KBTBD3: variants seen among roughly 807,000 people sequenced by gnomAD.
The protein encoded by KBTBD3 is kelch repeat and BTB domain-containing protein 3.
Under a neutral mutation model 49.6 loss-of-function variants are expected in KBTBD3, and 38 were observed. The ratio of observed to expected loss-of-function variants is 0.77; its 90% CI spans 0.59 to 1.00. The LOEUF (loss-of-function observed/expected upper bound fraction) is 1.00, where lower values mean the gene tolerates loss of function less well. KBTBD3 is among the 50% of genes least tolerant of loss of function. The pLI, the probability that KBTBD3 is intolerant of heterozygous loss-of-function variation, is 0.00. For synonymous variants in KBTBD3, 214 were observed against 250.4 expected, an observed-to-expected ratio of 0.85 and a Z score of 1.37; for missense variants, 661 against 712.0, an observed-to-expected ratio of 0.93 and a Z score of 0.81.
intron 2 of KBTBD3, among the ~76,000 whole-genome samples, chr11:106,062,708 A>C (rs1860726176): frequency 6.6e-6 from 1 of 152,236 alleles, no homozygotes; most frequent in Non-Finnish European, 1.5e-5. Flanking sequence ...TCATCCAGAA[A>C]TATCCTTACA....
At position 106,059,054 on chromosome 11, in the gene KBTBD3, C is replaced by T. The variant is rs139828561; in HGVS notation, c.44G>A (p.Ser15Asn). 2.6e-6 allele frequency: 4 copies of T among 1,553,456 alleles called. No homozygotes were observed. Among genetic ancestry groups the T allele is most frequent in the Non-Finnish European group, 3.4e-6 (4 of 1,161,698 alleles). Residue 15 changes from serine (S) to asparagine (N), a missense_variant, in exon 3 of 4, where the codon AGC becomes AAC. By Grantham distance (46) the Ser-to-Asn change is conservative (BLOSUM62 1). Transcript: ENST00000531837. ...MDNSYAFNQR[S>N]TCNGIPSEKK... ...CTCAGATGGAATTCCATTACATGTGCTTCGTTGATTGAAAGCATATGAATT... is the reference window on the plus strand; with the variant it reads ...CTCAGATGGAATTCCATTACATGTGTTTCGTTGATTGAAAGCATATGAATT...
chr11:106,062,797 A>G (rs1860728682), intron 2 of KBTBD3, among the ~76,000 whole-genome samples: 1 of 152,204 alleles, frequency 6.6e-6, no homozygotes, highest in South Asian at 2.1e-4. Context: ...AACTGTCACA[A>G]CAGTTCAAAT....
rs889435622 is a variant in KBTBD3, at chr11:106,052,280, T to C, written c.*570A>G. On this transcript the variant is annotated 3_prime_UTR_variant, in exon 4 of 4. Transcript: ENST00000531837. ...AACTGCTAATGGCATTATAACATGGTACATTATGCTTTTAATGAAAAAATG... is the reference window on the plus strand; with the variant it reads ...AACTGCTAATGGCATTATAACATGGCACATTATGCTTTTAATGAAAAAATG... 1.3e-5 allele frequency: 2 copies of C among 152,022 alleles called. No individual in the cohort carries two copies. Among genetic ancestry groups the C allele is most frequent in the African/African-American group, 4.8e-5 (2 of 41,512 alleles). The allele number at this position is 152,022 out of a possible 1,614,324, so 9.4% of individuals were successfully genotyped here.
In KBTBD3 at chr11:106,053,075, CTCAAAAGATCCT is replaced by C; in HGVS notation, c.1602_1613del (p.Gly535_Glu538del). 6.2e-7 allele frequency: 1 copy of C among 1,613,760 alleles called. No homozygotes were observed. The highest frequency in any genetic ancestry group is 8.5e-7 in the Non-Finnish European group (1 of 1,179,820). On this transcript the variant is annotated inframe_deletion, in exon 4 of 4. Transcript: ENST00000531837. Reference sequence around the variant, plus strand: ...TTGCACCTGCATTAAAGCCTGCACACTCAAAAGATCCTTCGCCTTTCCAAACACAAGTGTCTG... The same window carrying C: ...TTGCACCTGCATTAAAGCCTGCACACTCGCCTTTCCAAACACAAGTGTCTG...
In KBTBD3 at chr11:106,051,155, T is replaced by G. The variant is rs1311914063; in HGVS notation, c.*1695A>C. 1 of 151,920 alleles carries G rather than the reference T, an allele frequency of 6.6e-6. No individual in the cohort carries two copies. Among genetic ancestry groups the G allele is most frequent in the Non-Finnish European group, 1.5e-5 (1 of 67,876 alleles). The allele number at this position is 151,920 out of a possible 1,614,324, so 9.4% of individuals were successfully genotyped here. On this transcript the variant is annotated 3_prime_UTR_variant, in exon 4 of 4. Transcript: ENST00000531837. ...ACTCTATTAATATATATCCTTAAAT[T>G]AACAATTCAGTAAATGCACATATAG... is the stretch of plus-strand genomic sequence containing the variant.
In KBTBD3 at chr11:106,074,547, T is replaced by C. The variant is rs376699730; in HGVS notation, c.-13+1960A>G. The stretch of plus-strand genomic sequence containing the variant: ...GTGCCACAACATTCTTCAGGTTTCC[T>C]ACCTTGCTGGCCTCTCCTTCTCAGT... On this transcript the variant is annotated intron_variant, in intron 2 of 3. Transcript: ENST00000531837. Among the ~76,000 whole-genome samples the C allele has an allele frequency of 3.0e-4, 46 of 152,338 alleles. 1 individual carries two copies. The highest frequency in any genetic ancestry group is 1.1e-3 in the African/African-American group (44 of 41,572).
At position 106,053,463 on chromosome 11, in the gene KBTBD3, C is replaced by T; in HGVS notation, c.1226G>A (p.Gly409Asp). ...VMALDRLFVI[G>D]GKTRGSRDIK... Reference sequence around the variant, plus strand: ...GTCCCGGGATCCTCTAGTTTTTCCACCTATGACAAATAATCTATCGAGAGC... The same window carrying T: ...GTCCCGGGATCCTCTAGTTTTTCCATCTATGACAAATAATCTATCGAGAGC... Residue 409 changes from glycine to aspartate, a missense_variant, in exon 4 of 4, where the codon GGT becomes GAT. Transcript: ENST00000531837. The T allele has an allele frequency of 6.2e-7, 1 of 1,613,638 alleles. No individual in the cohort carries two copies. The highest frequency in any genetic ancestry group is 1.1e-5 in the South Asian group (1 of 91,062).
In KBTBD3 at chr11:106,053,606, A is replaced by G. The variant is rs140726653; in HGVS notation, c.1083T>C (p.His361=). ...KGKCCRTVRL[H]IAESYHDATD... ...TGGCATCATGATATGACTCGGCAAT[A>G]TGCAGTCGAACCGTTCGACAACATT... is the stretch of plus-strand genomic sequence containing the variant. The change falls in exon 4 of 4, where the codon CAT becomes CAC. Residue 361 remains histidine, a synonymous_variant. Coordinates refer to ENST00000531837, the MANE Select transcript of KBTBD3 (RefSeq NM_198439.3). 4.0e-5 allele frequency: 65 copies of G among 1,613,830 alleles called. No homozygotes were observed. The African/African-American group carries it at 8.5e-4, about 21-fold the overall frequency.
In KBTBD3 at chr11:106,054,395, C is replaced by T; in HGVS notation, c.294G>A (p.Leu98=). ...RDDGSVTITN[L]SSKAVKAFLD... ...GAAATGCTTTTACTGCCTTGGAGGA[C>T]AAATTAGTAATGGTAACACTTCCAT... Residue 98 remains leucine, a synonymous_variant, in exon 4 of 4, where the codon TTG becomes TTA. Coordinates refer to ENST00000531837, the MANE Select transcript of KBTBD3 (RefSeq NM_198439.3). 6.9e-6 allele frequency: 11 copies of T among 1,604,356 alleles called. No individual in the cohort carries two copies. The highest frequency in any genetic ancestry group is 9.4e-6 in the Non-Finnish European group (11 of 1,174,280).
chr11:106,072,219 T>C (rs1463110780), intron 2 of KBTBD3, among the ~76,000 whole-genome samples: 1 of 152,208 alleles, frequency 6.6e-6, no homozygotes, highest in Non-Finnish European at 1.5e-5. Flanking sequence ...CAGAGAATGA[T>C]ATTATGAAAA....
intron 2 of KBTBD3, among the ~76,000 whole-genome samples, chr11:106,060,041 G>A (rs1009409761): frequency 6.6e-6 from 1 of 152,166 alleles, no homozygotes; most frequent in Admixed American, 6.5e-5. Context: ...AGCTGTGGCT[G>A]AAGCCATCTG....
intron 3 of KBTBD3, among the ~76,000 whole-genome samples, chr11:106,055,672 T>C (rs1387975399): frequency 6.6e-6 from 1 of 152,182 alleles, no homozygotes; most frequent in Non-Finnish European, 1.5e-5. Flanking sequence ...TGCCACTTAT[T>C]AGCTGTGTGG....
chr11:106,060,453 T>C (rs1860665873), intron 2 of KBTBD3, among the ~76,000 whole-genome samples: 1 of 152,190 alleles, frequency 6.6e-6, no homozygotes, highest in African/African-American at 2.4e-5. Context: ...TGCTTCTTTA[T>C]TCAATCTTTT....
chr11:106,063,396 C>T lies in KBTBD3; in HGVS notation c.-12-4287G>A, dbSNP rs73537617. Reference sequence around the variant, plus strand: ...AACCTCCTTCAGTTTTGAATGCTACCTGATTCATGAATTGTTCTTTGCTCA... The same window carrying T: ...AACCTCCTTCAGTTTTGAATGCTACTTGATTCATGAATTGTTCTTTGCTCA... On this transcript the variant is annotated intron_variant, in intron 2 of 3. Coordinates refer to ENST00000531837, the MANE Select transcript of KBTBD3 (RefSeq NM_198439.3). Among the ~76,000 whole-genome samples, 503 of 152,270 alleles carry T rather than the reference C, an allele frequency of 3.3e-3. 2 individuals are homozygous for T. Among genetic ancestry groups the T allele is most frequent in the African/African-American group, 0.011 (477 of 41,548 alleles).
chr11:106,058,455 C>T (rs113114924), intron 3 of KBTBD3, among the ~76,000 whole-genome samples: 7,009 of 151,270 alleles, frequency 0.046, 247 homozygotes, highest in Middle Eastern at 0.09. Flanking sequence ...GATGGAGTCT[C>T]GCTCCATTGC....
In KBTBD3 at chr11:106,053,622, C is replaced by T. The variant is rs889600137; in HGVS notation, c.1067G>A (p.Arg356Gln). Reference sequence around the variant, plus strand: ...CTCGGCAATATGCAGTCGAACCGTTCGACAACATTTCCCTTTGCAACCACC... The same window carrying T: ...CTCGGCAATATGCAGTCGAACCGTTTGACAACATTTCCCTTTGCAACCACC... ...LTGGCKGKCC[R>Q]TVRLHIAESY... The change falls in exon 4 of 4, where the codon CGA becomes CAA. Residue 356 changes from arginine (R) to glutamine (Q), a missense_variant. Arg to Gln is a conservative substitution (Grantham distance 43). Transcript: ENST00000531837. 3.1e-6 allele frequency: 5 copies of T among 1,613,830 alleles called. No homozygotes were observed. Among genetic ancestry groups the T allele is most frequent in the South Asian group, 1.1e-5 (1 of 91,058 alleles).
rs1395200593 is a variant in KBTBD3 at position 106,053,537 on chromosome 11, G to T, written c.1152C>A (p.Phe384Leu). 5.6e-6 allele frequency: 9 copies of T among 1,613,614 alleles called. No homozygotes were observed. In the Admixed American group the frequency reaches 8.3e-5, roughly 15 times the overall value. Residue 384 changes from phenylalanine to leucine, a missense_variant, in exon 4 of 4, where the codon TTC becomes TTA. Physicochemically the swap from Phe to Leu is conservative, Grantham distance 22. Transcript: ENST00000531837. ...TTGGTGTTTTCATAGTTGATACCAA[G>T]AAGAAATCATTTTTCACTGGACAGT... ...WCYCPVKNDFFLVSTMKTPRT... is the reference protein window; with the variant it reads ...WCYCPVKNDFLLVSTMKTPRT...
intron 2 of KBTBD3, among the ~76,000 whole-genome samples, chr11:106,067,220 T>A (rs1007831202): frequency 2.0e-5 from 3 of 152,160 alleles, no homozygotes; most frequent in Non-Finnish European, 4.4e-5. Context: ...ACGGAGAGCC[T>A]AGAATTTCAC....
chr11:106,055,796 A>G (rs991740376), intron 3 of KBTBD3, among the ~76,000 whole-genome samples: 8 of 152,206 alleles, frequency 5.3e-5, no homozygotes, highest in Non-Finnish European at 1.2e-4. Context: ...TAACTGATGC[A>G]AAGTATTAGC....
Sources: gnomAD v4.1 joint callset for allele counts (sites outside exome capture counted in the v4.1 genomes callset) on GRCh38, gnomAD v4.1.1 for gene constraint, MANE v1.5 for transcripts, NCBI Gene and HGNC (gene_info 2026-07-23, HGNC 2026-07-21) for gene names.